Variants in SQOR observed in about 807,000 individuals in gnomAD.
SQOR encodes sulfide:quinone oxidoreductase, mitochondrial.
SQOR carries 39 observed loss-of-function variants against 48.6 expected under a neutral mutation model. The observed-to-expected ratio is 0.80, with a 90% CI of 0.62 to 1.05. The LOEUF (loss-of-function observed/expected upper bound fraction) is 1.05. Among genes scored for constraint, SQOR ranks in the 50% least tolerant of loss-of-function variants. The pLI is 0.00. For synonymous variants in SQOR, 220 were observed against 206.2 expected (o/e 1.07, Z -0.57); for missense variants, 561 against 559.9 (o/e 1.00, Z -0.02).
intron 3 of SQOR, among the ~76,000 whole-genome samples, chr15:45,668,149 T>C (rs1001494850): frequency 6.6e-6 from 1 of 152,016 alleles, no homozygotes; most frequent in Non-Finnish European, 1.5e-5. Flanking sequence ...TTTCGCTATG[T>C]GGGCCAGGCT....
chr15:45,685,679 C>G (rs923387141), intron 7 of SQOR, among the ~76,000 whole-genome samples: 1 of 152,152 alleles, frequency 6.6e-6, no homozygotes, highest in Non-Finnish European at 1.5e-5. Flanking sequence ...TGTCTCCACT[C>G]CTTTTCCATT....
At chr15:45,652,757 A>C (rs905674596) in intron 1 of SQOR, among the ~76,000 whole-genome samples, 2 of 138,586 alleles carry the variant, frequency 1.4e-5, no homozygotes, top group Non-Finnish European at 3.0e-5. Context: ...GGATCACTTG[A>C]GGTCAGGAGT....
chr15:45,673,631 G>T lies in SQOR; in HGVS notation c.484G>T (p.Ala162Ser). 1 of 1,613,888 alleles carries T rather than the reference G, an allele frequency of 6.2e-7. No individual in the cohort carries two copies. Among genetic ancestry groups the T allele is most frequent in the Non-Finnish European group, 8.5e-7 (1 of 1,179,874 alleles). ...GATTAAAGGCCTACCTGAAGGTTTCGCTCATCCCAAAATAGGGTCGAATTA... is the reference window on the plus strand; with the variant it reads ...GATTAAAGGCCTACCTGAAGGTTTCTCTCATCCCAAAATAGGGTCGAATTA... ...EKIKGLPEGF[A>S]HPKIGSNYSV... The change falls in exon 5 of 10, where the codon GCT becomes TCT. Residue 162 changes from alanine to serine, a missense_variant. Physicochemically the swap from Ala to Ser is moderately conservative, Grantham distance 99. Coordinates refer to ENST00000260324, the MANE Select transcript of SQOR (RefSeq NM_021199.4).
chr15:45,668,353 C>T (rs1334378828), intron 3 of SQOR, among the ~76,000 whole-genome samples: 2 of 152,204 alleles, frequency 1.3e-5, no homozygotes, highest in Admixed American at 6.5e-5. Context: ...TTCATCTATC[C>T]ATTCACCCAC....
At chr15:45,653,058 A>G (rs1889524754) in intron 1 of SQOR, among the ~76,000 whole-genome samples, 1 of 152,190 alleles carries the variant, frequency 6.6e-6, no homozygotes, top group African/African-American at 2.4e-5. Flanking sequence ...AATGTCAGAA[A>G]TTACTGTTGG....
chr15:45,661,800 G>T (rs1285628982), intron 2 of SQOR, among the ~76,000 whole-genome samples, 155 bp from the exon 3 acceptor site: 1 of 152,162 alleles, frequency 6.6e-6, no homozygotes, highest in Non-Finnish European at 1.5e-5. Context: ...AATAGGAGAC[G>T]CCTAATAGAC....
At chr15:45,676,421 T>G in intron 6 of SQOR, 111 bp downstream of exon 6, 3 of 1,109,784 alleles carry the variant, frequency 2.7e-6, no homozygotes, top group Non-Finnish European at 3.9e-6. Flanking sequence ...TGGGGAAGAC[T>G]GGGTGAAATG....
intron 1 of SQOR, among the ~76,000 whole-genome samples, chr15:45,643,995 T>C (rs1398140178): frequency 2.0e-5 from 3 of 152,216 alleles, no homozygotes; most frequent in Non-Finnish European, 2.9e-5. Context: ...CAAAAATTTA[T>C]AAAAATTTAG....
intron 2 of SQOR, 58 bp from the exon 3 acceptor site, chr15:45,661,897 A>C: frequency 1.3e-6 from 2 of 1,538,298 alleles, no homozygotes; most frequent in South Asian, 1.2e-5. Flanking sequence ...ACTGTTAGCT[A>C]TGACCCCTTT....
chr15:45,631,905 C>T (rs1894904361), upstream of SQOR: 1 of 152,330 alleles, frequency 6.6e-6, no homozygotes, highest in East Asian at 1.9e-4. Flanking sequence ...GGGTAGGAAT[C>T]AAGTCTGATT....
At chr15:45,686,787 C>G (rs1439895844) in intron 7 of SQOR, among the ~76,000 whole-genome samples, 1 of 152,180 alleles carries the variant, frequency 6.6e-6, no homozygotes, top group African/African-American at 2.4e-5. Context: ...TGTTCTACCT[C>G]TAGAGACACA....
intron 1 of SQOR, among the ~76,000 whole-genome samples, chr15:45,644,432 C>T (rs1418165228): frequency 6.6e-6 from 1 of 152,136 alleles, no homozygotes; most frequent in Non-Finnish European, 1.5e-5. Flanking sequence ...GGAGAAGAAG[C>T]CGAGCAAAAA....
intron 1 of SQOR, among the ~76,000 whole-genome samples, chr15:45,657,918 G>A (rs895077555): frequency 1.3e-5 from 2 of 152,124 alleles, no homozygotes; most frequent in African/African-American, 2.4e-5. Flanking sequence ...TCATACCCAG[G>A]GAGGGAGATA....
chr15:45,649,812 GA>G (rs1237596574), intron 1 of SQOR, among the ~76,000 whole-genome samples: 2 of 151,078 alleles, frequency 1.3e-5, no homozygotes, highest in Non-Finnish European at 1.5e-5. Context: ...GGGGTAAGGG[GA>G]AATGAGAAGG....
Position 45,688,376 on chromosome 15 carries a change from T to A in SQOR, c.1088T>A (p.Ile363Asn), listed in dbSNP as rs1249648904. Residue 363 changes from isoleucine to asparagine, a missense_variant, in exon 8 of 10, where the codon ATT becomes AAT. Coordinates refer to ENST00000260324, the MANE Select transcript of SQOR (RefSeq NM_021199.4). ...SGILDRTISVIMKNQTPTKKY... is the reference protein window; with the variant it reads ...SGILDRTISVNMKNQTPTKKY... Reference sequence around the variant, plus strand: ...ATACTTGATAGGACAATTTCTGTAATTATGAAGAATCAAACACCAACAAAG... The same window carrying A: ...ATACTTGATAGGACAATTTCTGTAAATATGAAGAATCAAACACCAACAAAG... The A allele has an allele frequency of 1.9e-6, 3 of 1,607,552 alleles. No individual in the cohort carries two copies. Among genetic ancestry groups the A allele is most frequent in the Non-Finnish European group, 2.5e-6 (3 of 1,178,222 alleles).
intron 2 of SQOR, among the ~76,000 whole-genome samples, chr15:45,660,321 AG>A (rs1889696774): frequency 6.6e-6 from 1 of 152,190 alleles, no homozygotes; most frequent in Non-Finnish European, 1.5e-5. Flanking sequence ...AGAGGAAACT[AG>A]GGGGCAGTCT....
chr15:45,643,182 G>A (rs1895135934), intron 1 of SQOR, among the ~76,000 whole-genome samples: 1 of 152,164 alleles, frequency 6.6e-6, no homozygotes, highest in Non-Finnish European at 1.5e-5. Context: ...GGCGCTCAAT[G>A]AATACTTGTG....
At chr15:45,680,061 G>A (rs1876062874) in intron 6 of SQOR, among the ~76,000 whole-genome samples, 1 of 152,132 alleles carries the variant, frequency 6.6e-6, no homozygotes, top group South Asian at 2.1e-4. Flanking sequence ...ACAACTAAGT[G>A]CCAGTGTTTG....
rs568353588 is a variant in SQOR, at chr15:45,676,015, G to A, written c.655-86G>A. 2.1e-4 allele frequency: 276 copies of A among 1,340,566 alleles called. 1 individual carries two copies. Among genetic ancestry groups the A allele is most frequent in the South Asian group, 1.7e-3 (122 of 71,958 alleles). 83.0% of individuals were successfully genotyped at this position (1,340,566 alleles called of 1,614,324 possible). On this transcript the variant is annotated intron_variant, in intron 5 of 9. Transcript: ENST00000260324. ...GGCAAAAGCTAGCAAGGTCCCTGCT[G>A]AGGGTTTTAATTCTTGTCTGGATTA...
Sources: allele counts gnomAD v4.1 joint callset (sites outside exome capture counted in the v4.1 genomes callset), GRCh38; gene constraint gnomAD v4.1.1; transcripts MANE v1.5; gene names NCBI Gene and HGNC (gene_info 2026-07-23, HGNC 2026-07-21).